The following RPS6KB1 variants were observed in gnomAD, a reference collection of about 807,000 sequenced individuals.
RPS6KB1 encodes the protein ribosomal protein S6 kinase B1.
RPS6KB1 carries 12 observed loss-of-function variants against 70.2 expected under a neutral mutation model. The ratio of observed to expected loss-of-function variants is 0.17; its 90% CI spans 0.11 to 0.28. The LOEUF (loss-of-function observed/expected upper bound fraction) is 0.28. Ranked by LOEUF, RPS6KB1 falls within the 10% of genes least tolerant of loss-of-function variation. The pLI, the probability that RPS6KB1 is intolerant of heterozygous loss-of-function variation, is 1.00. For synonymous variants in RPS6KB1, 175 were observed against 211.2 expected (o/e 0.83, Z 1.49); for missense variants, 270 against 646.6 (o/e 0.42, Z 6.32).
At chr17:59,917,436 ATTAAT>A (rs1392944228) in intron 4 of RPS6KB1, among the ~76,000 whole-genome samples, 2 of 151,786 alleles carry the variant, frequency 1.3e-5, no homozygotes, top group African/African-American at 4.8e-5. Flanking sequence ...AATTAAATTA[ATTAAT>A]TTATTTATTT....
At chr17:59,922,846 A>G (rs1351764097) in intron 4 of RPS6KB1, among the ~76,000 whole-genome samples, 1 of 147,008 alleles carries the variant, frequency 6.8e-6, no homozygotes, top group Non-Finnish European at 1.5e-5. Context: ...GCCTGGCCCT[A>G]TACTCTCTTT....
rs2044967265 is a variant in RPS6KB1 at position 59,946,998 on chromosome 17, C to T, written c.*210C>T. On this transcript the variant is annotated 3_prime_UTR_variant, in exon 15 of 15. Coordinates refer to ENST00000225577, the MANE Select transcript of RPS6KB1 (RefSeq NM_003161.4). This position sits in a 1 kb window ranked among gnomAD's most constrained non-coding sequence, Gnocchi z 4.2. Reference sequence around the variant, plus strand: ...TAAAGCAAAATAGTATTGCTGAACTCTTAGGCACATCAATTAATTGATTCC... The same window carrying T: ...TAAAGCAAAATAGTATTGCTGAACTTTTAGGCACATCAATTAATTGATTCC... The T allele has an allele frequency of 4.3e-6, 6 of 1,392,842 alleles. No homozygotes were observed. The highest frequency in any genetic ancestry group is 5.6e-6 in the Non-Finnish European group (6 of 1,073,896). 86.3% of individuals were successfully genotyped at this position (1,392,842 alleles called of 1,614,324 possible). A position where few individuals can be genotyped will look rare whatever the true frequency, so the allele number is the denominator to read the frequency against.
intron 1 of RPS6KB1, among the ~76,000 whole-genome samples, chr17:59,908,136 A>T (rs754338407): frequency 6.6e-6 from 1 of 152,094 alleles, no homozygotes; most frequent in African/African-American, 2.4e-5. Flanking sequence ...TGTGTAAATC[A>T]TTTGATTTAA....
Position 59,947,211 on chromosome 17 carries a change from G to A in RPS6KB1, c.*423G>A, listed in dbSNP as rs1785613154. 1.9e-6 allele frequency: 2 copies of A among 1,030,122 alleles called. No individual in the cohort carries two copies. The highest frequency in any genetic ancestry group is 2.3e-6 in the Non-Finnish European group (2 of 859,360). 63.8% of individuals were successfully genotyped at this position (1,030,122 alleles called of 1,614,324 possible). A position where few individuals can be genotyped will look rare whatever the true frequency, so the allele number is the denominator to read the frequency against. On this transcript the variant is annotated 3_prime_UTR_variant, in exon 15 of 15. Coordinates refer to ENST00000225577, the MANE Select transcript of RPS6KB1 (RefSeq NM_003161.4). ...CAACTAAGGACAAATTAGCATGCAAGCTTGGTCAAACTTTTTCCAGCAAAA... is the reference window on the plus strand; with the variant it reads ...CAACTAAGGACAAATTAGCATGCAAACTTGGTCAAACTTTTTCCAGCAAAA...
chr17:59,912,944 G>A (rs1415404966), intron 3 of RPS6KB1, 140 bp downstream of exon 3: 3 of 894,908 alleles, frequency 3.4e-6, no homozygotes, highest in East Asian at 2.5e-5. Flanking sequence ...GTATGTTTGA[G>A]GGATGTACAG....
chr17:59,919,963 G>T (rs2043175622), intron 4 of RPS6KB1, among the ~76,000 whole-genome samples: 1 of 152,104 alleles, frequency 6.6e-6, no homozygotes, highest in African/African-American at 2.4e-5. Flanking sequence ...CTACATCATG[G>T]ACCATTGCTT....
At chr17:59,907,886 A>T (rs1442210860) in intron 1 of RPS6KB1, among the ~76,000 whole-genome samples, 2 of 151,992 alleles carry the variant, frequency 1.3e-5, no homozygotes, top group Non-Finnish European at 2.9e-5. Context: ...CCTTCATTTC[A>T]TTTTGGGATT....
At chr17:59,917,459 A>G (rs913648333) in intron 4 of RPS6KB1, among the ~76,000 whole-genome samples, 1 of 151,972 alleles carries the variant, frequency 6.6e-6, no homozygotes, top group African/African-American at 2.4e-5. Flanking sequence ...TTTTTAAGAG[A>G]CAGGGTCTCA....
intron 4 of RPS6KB1, among the ~76,000 whole-genome samples, chr17:59,921,292 T>C (rs78431228): frequency 0.042 from 6,377 of 152,116 alleles, 475 homozygotes; most frequent in African/African-American, 0.15. Flanking sequence ...TTCCCATTCT[T>C]GGGGTTCTTT....
Position 59,949,614 on chromosome 17 carries a change from GTATT to G in RPS6KB1, c.*2827_*2830del, listed in dbSNP as rs1221432167. 1.3e-5 allele frequency: 2 copies of G among 152,550 alleles called. No homozygotes were observed. Among genetic ancestry groups the G allele is most frequent in the Non-Finnish European group, 2.9e-5 (2 of 67,934 alleles). 9.4% of individuals were successfully genotyped at this position (152,550 alleles called of 1,614,324 possible). ...AACCAGCTGTGATTAACAATGTAAA[GTATT>G]AATTATTGAACTTTGAACCAGATTT... On this transcript the variant is annotated 3_prime_UTR_variant, in exon 15 of 15. Transcript: ENST00000225577.
chr17:59,901,990 C>A (rs2041979850), intron 1 of RPS6KB1, among the ~76,000 whole-genome samples: 1 of 131,566 alleles, frequency 7.6e-6, no homozygotes, highest in African/African-American at 2.9e-5. Context: ...TCAACCTGCG[C>A]AACAGAATGA....
chr17:59,906,602 TCCACCTATCTTGG>T (rs1011826768), intron 1 of RPS6KB1, among the ~76,000 whole-genome samples: 2 of 152,076 alleles, frequency 1.3e-5, no homozygotes, highest in Non-Finnish European at 2.9e-5. Flanking sequence ...CCTCGAGTAA[TCCACCTATCTTGG>T]CCTCCTAAAG....
At chr17:59,943,912 A>T (rs2044768036) in intron 13 of RPS6KB1, among the ~76,000 whole-genome samples, 1 of 135,142 alleles carries the variant, frequency 7.4e-6, no homozygotes, top group Admixed American at 7.3e-5. Context: ...ATATACACAT[A>T]TATATATATA....
At chr17:59,908,352 C>A (rs1355040662) in intron 1 of RPS6KB1, among the ~76,000 whole-genome samples, 4 of 151,796 alleles carry the variant, frequency 2.6e-5, no homozygotes, top group Non-Finnish European at 4.4e-5. Context: ...ACCACCACGC[C>A]TGGCTAATTT....
chr17:59,904,527 G>A (rs1239532010), intron 1 of RPS6KB1, among the ~76,000 whole-genome samples: 1 of 151,438 alleles, frequency 6.6e-6, no homozygotes, highest in Non-Finnish European at 1.5e-5. Context: ...CCTAGTAGCT[G>A]GGATTACAGG....
At position 59,946,844 on chromosome 17, in the gene RPS6KB1, A is replaced by C. The variant is rs2044955663; in HGVS notation, c.*56A>C. The stretch of plus-strand genomic sequence containing the variant: ...AAAAAGGTGGAGAGGGAGATGTGTG[A>C]GCATCCTGCAAGGTGAAACGACTCA... On this transcript the variant is annotated 3_prime_UTR_variant, in exon 15 of 15. Coordinates refer to ENST00000225577, the MANE Select transcript of RPS6KB1 (RefSeq NM_003161.4). This position sits in a 1 kb window ranked among gnomAD's most constrained non-coding sequence, Gnocchi z 4.2. The C allele has an allele frequency of 3.1e-6, 5 of 1,600,290 alleles. No individual in the cohort carries two copies. Among genetic ancestry groups the C allele is most frequent in the Non-Finnish European group, 4.3e-6 (5 of 1,172,196 alleles).
chr17:59,936,185 C>G (rs2044226403), intron 10 of RPS6KB1, 30 bp from the exon 11 acceptor site: 1 of 1,583,178 alleles, frequency 6.3e-7, no homozygotes, highest in Non-Finnish European at 8.6e-7. Flanking sequence ...GACTAAGGTT[C>G]TTTATCCAAG....
At chr17:59,910,288 A>G (rs768947796) in intron 1 of RPS6KB1, among the ~76,000 whole-genome samples, 4 of 151,928 alleles carry the variant, frequency 2.6e-5, no homozygotes, top group Non-Finnish European at 5.9e-5. Flanking sequence ...CTGGTATGCT[A>G]TGATCATACC....
At chr17:59,936,077 G>T in intron 10 of RPS6KB1, 138 bp from the exon 11 acceptor site, 1 of 724,452 alleles carries the variant, frequency 1.4e-6, no homozygotes, top group Non-Finnish European at 2.3e-6. Context: ...AAAGTGCTGG[G>T]ATTACAGGCA....
Sources: allele counts gnomAD v4.1 joint callset (sites outside exome capture counted in the v4.1 genomes callset), GRCh38; gene constraint gnomAD v4.1.1; non-coding constraint Gnocchi (gnomAD v3.1); transcripts MANE v1.5; gene names NCBI Gene and HGNC (gene_info 2026-07-23, HGNC 2026-07-21).